TFB2M: variants seen among roughly 807,000 people sequenced by gnomAD.
TFB2M encodes the protein transcription factor B2, mitochondrial.
A neutral mutation model predicts 41.3 loss-of-function variants in TFB2M; 44 were observed. That is an observed-to-expected ratio of 1.07 (90% confidence interval 0.84 to 1.37). The LOEUF (loss-of-function observed/expected upper bound fraction) is 1.37, where lower values mean the gene tolerates loss of function less well. Ranked by LOEUF, TFB2M falls within the 40% of genes most tolerant of loss-of-function variation. TFB2M has a pLI of 0.00. For synonymous variants in TFB2M, 188 were observed against 176.8 expected, an observed-to-expected ratio of 1.06 and a Z score of -0.50; for missense variants, 496 against 490.2, an observed-to-expected ratio of 1.01 and a Z score of -0.11.
At chr1:246,541,472 G>A (rs1658855850) in intron 7 of TFB2M, among the ~76,000 whole-genome samples, 1 of 139,698 alleles carries the variant, frequency 7.2e-6, no homozygotes, top group South Asian at 2.2e-4. Context: ...ATCCATCCAT[G>A]AAACCAAAAA....
intron 6 of TFB2M, among the ~76,000 whole-genome samples, chr1:246,547,400 A>G (rs1473005301): frequency 6.6e-6 from 1 of 152,244 alleles, no homozygotes; most frequent in Admixed American, 6.5e-5. Context: ...TAAGTCCCCA[A>G]TAGTATCCAA....
At chr1:246,542,371 A>T (rs1333997903) in intron 7 of TFB2M, among the ~76,000 whole-genome samples, 2 of 151,874 alleles carry the variant, frequency 1.3e-5, no homozygotes, top group East Asian at 3.8e-4. Context: ...CAACAACAAC[A>T]ATTGTAAAAA....
At chr1:246,554,564 T>C (rs554091188) in intron 4 of TFB2M, among the ~76,000 whole-genome samples, 1 of 152,248 alleles carries the variant, frequency 6.6e-6, no homozygotes, top group South Asian at 2.1e-4. Flanking sequence ...CTATCTCCTG[T>C]CACCCGCAAG....
rs150379853 is a variant in TFB2M, at chr1:246,557,428, C to G, written c.509G>C (p.Arg170Pro). The G allele has an allele frequency of 6.2e-7, 1 of 1,613,492 alleles. No homozygotes were observed. The highest frequency in any genetic ancestry group is 8.5e-7 in the Non-Finnish European group (1 of 1,179,842). ...TATTCCCAAATTCTTAAAGAGCCCT[C>G]GAGAAGACATAGCAGGTGGTTTTAT... ...GVIKPPAMSS[R>P]GLFKNLGIEA... Residue 170 changes from arginine to proline, a missense_variant, in exon 3 of 8, where the codon CGA (arginine) becomes CCA (proline). Arg to Pro is a moderately radical substitution (Grantham distance 103, BLOSUM62 -2). Coordinates refer to ENST00000366514, the MANE Select transcript of TFB2M (RefSeq NM_022366.3).
chr1:246,544,954 C>T (rs866268713), intron 6 of TFB2M, among the ~76,000 whole-genome samples: 46 of 152,160 alleles, frequency 3.0e-4, no homozygotes, highest in African/African-American at 8.7e-4. Flanking sequence ...TACAGGCGCC[C>T]ACCACCACGC....
intron 6 of TFB2M, among the ~76,000 whole-genome samples, chr1:246,547,243 A>G (rs185782546): frequency 3.8e-4 from 58 of 152,236 alleles, no homozygotes; most frequent in African/African-American, 1.3e-3. Flanking sequence ...CGGCCTCCCA[A>G]AGTGCTGGGA....
At chr1:246,554,175 T>C (rs1170094426) in intron 4 of TFB2M, among the ~76,000 whole-genome samples, 2 of 152,158 alleles carry the variant, frequency 1.3e-5, no homozygotes, top group Non-Finnish European at 2.9e-5. Flanking sequence ...CAAAATTTAC[T>C]GAAAATGGAT....
At chr1:246,541,597 A>G (rs527623086) in intron 7 of TFB2M, among the ~76,000 whole-genome samples, 5 of 152,366 alleles carry the variant, frequency 3.3e-5, no homozygotes, top group South Asian at 2.1e-4. Flanking sequence ...GCTTATTTCT[A>G]AAGTTTCATA....
At chr1:246,544,390 A>C in intron 7 of TFB2M, 131 bp downstream of exon 7, 1 of 832,432 alleles carries the variant, frequency 1.2e-6, no homozygotes, top group Non-Finnish European at 1.9e-6. Context: ...AGAACAAATT[A>C]TTTTGAAGAA....
Position 246,557,542 on chromosome 1 carries a change from G to A in TFB2M, c.403-8C>T. On this transcript the variant is annotated splice_region_variant and splice_polypyrimidine_tract_variant and intron_variant, in intron 2 of 7. Coordinates refer to ENST00000366514, the MANE Select transcript of TFB2M (RefSeq NM_022366.3). ...CAGATTTTTTCCTAAGGACTAAAGAGAGACAAAGATAACACGTTAAAAATT... is the reference window on the plus strand; with the variant it reads ...CAGATTTTTTCCTAAGGACTAAAGAAAGACAAAGATAACACGTTAAAAATT... The A allele has an allele frequency of 6.3e-7, 1 of 1,578,662 alleles. No individual in the cohort carries two copies. The highest frequency in any genetic ancestry group is 1.7e-4 in the Middle Eastern group (1 of 5,948).
Position 246,566,003 on chromosome 1 carries a change from CAG to C in TFB2M, c.134_135del (p.Ser45Ter). On this transcript the variant is annotated frameshift_variant, in exon 1 of 8. Coordinates refer to ENST00000366514, the MANE Select transcript of TFB2M (RefSeq NM_022366.3). LOFTEE classifies it high-confidence loss of function. ...TCGGGCCACAGCTGCGGAGAGGAGT[CAG>C]AGAGCCCACAGTGGTTCCTCGCCGG... ...HLPARNHCGL[S>X]DSSPQLWPEP... The C allele has an allele frequency of 2.5e-6, 4 of 1,614,188 alleles. No homozygotes were observed. The highest frequency in any genetic ancestry group is 1.7e-6 in the Non-Finnish European group (2 of 1,180,042).
At chr1:246,546,069 C>T (rs1246874061) in intron 6 of TFB2M, among the ~76,000 whole-genome samples, 1 of 152,108 alleles carries the variant, frequency 6.6e-6, no homozygotes, top group Non-Finnish European at 1.5e-5. Context: ...CAATCCAACA[C>T]TTTGGGAGGC....
chr1:246,565,610 G>T (rs917338603), intron 1 of TFB2M, among the ~76,000 whole-genome samples: 7 of 152,188 alleles, frequency 4.6e-5, no homozygotes, highest in African/African-American at 1.7e-4. Context: ...TACTCGGGAG[G>T]CTGAGGCAGG....
intron 3 of TFB2M, among the ~76,000 whole-genome samples, chr1:246,557,118 A>G (rs1211855423): frequency 6.6e-6 from 1 of 152,120 alleles, no homozygotes; most frequent in African/African-American, 2.4e-5. Flanking sequence ...TACCAAAAAT[A>G]CAAAAAAATA....
chr1:246,546,828 A>T (rs1455645526), intron 6 of TFB2M, among the ~76,000 whole-genome samples: 3 of 152,124 alleles, frequency 2.0e-5, no homozygotes, highest in Non-Finnish European at 4.4e-5. Context: ...AAACCTGTTA[A>T]ATGTCTCAAA....
rs1659331557 is a variant in TFB2M, at chr1:246,556,673, C to CT, written c.604dup (p.Arg202LysfsTer9). 2 of 1,582,650 alleles carry CT rather than the reference C, an allele frequency of 1.3e-6. No individual in the cohort carries two copies. The highest frequency in any genetic ancestry group is 8.5e-7 in the Non-Finnish European group (1 of 1,170,308). On this transcript the variant is annotated frameshift_variant, in exon 4 of 8. Transcript: ENST00000366514. LOFTEE classifies it high-confidence loss of function. ...GTCATATGCGAGTTTCCAAAGTGCC[C>CT]TTTTCTCACCTCTACTTGGGAACAT...
intron 6 of TFB2M, among the ~76,000 whole-genome samples, chr1:246,546,730 G>A (rs1158787204): frequency 1.3e-5 from 2 of 150,314 alleles, no homozygotes; most frequent in Non-Finnish European, 1.5e-5. Flanking sequence ...GGATCCAAAG[G>A]ACAAAAAAAG....
At chr1:246,547,890 A>G (rs3124128) in intron 6 of TFB2M, among the ~76,000 whole-genome samples, 29,176 of 152,064 alleles carry the variant, frequency 0.19, 3,752 homozygotes, top group Middle Eastern at 0.4. Flanking sequence ...CCTGGGTAAA[A>G]ATCAAGAAGT....
At position 246,548,557 on chromosome 1, in the gene TFB2M, G is replaced by A. The variant is rs966946908; in HGVS notation, c.846C>T (p.Asn282=). ...DIYTRKGPLE[N]PKRRELLDQL... ...ATTTTATTCTTACCCTACGCTTTGG[G>A]TTTTCCAGCGGCCCTTTCCGGGTGT... Residue 282 remains asparagine (N), a synonymous_variant, in exon 6 of 8, where the codon AAC becomes AAT. Coordinates refer to ENST00000366514, the MANE Select transcript of TFB2M (RefSeq NM_022366.3). 1.2e-6 allele frequency: 2 copies of A among 1,613,430 alleles called. No homozygotes were observed. The highest frequency in any genetic ancestry group is 1.7e-5 in the Admixed American group (1 of 60,000).
Sources: allele counts gnomAD v4.1 joint callset (sites outside exome capture counted in the v4.1 genomes callset), GRCh38; gene constraint gnomAD v4.1.1; transcripts MANE v1.5; gene names NCBI Gene and HGNC (gene_info 2026-07-23, HGNC 2026-07-21).